The following WDR17 variants were observed in gnomAD, a reference collection of about 807,000 sequenced individuals.
WDR17 encodes the protein WD repeat-containing protein 17.
In WDR17, 143 loss-of-function variants were observed where a neutral mutation model predicts 161.7. That is an observed-to-expected ratio of 0.88 (90% CI 0.77 to 1.02). The LOEUF (loss-of-function observed/expected upper bound fraction) is 1.02, where lower values mean the gene tolerates loss of function less well. Ranked by LOEUF, WDR17 falls within the 50% of genes least tolerant of loss-of-function variation. WDR17 has a pLI of 0.00. For missense variants in WDR17, 1,469 were observed against 1,520.9 expected, an observed-to-expected ratio of 0.97 and a Z score of 0.57; for synonymous variants, 517 against 515.6, an observed-to-expected ratio of 1.00 and a Z score of -0.04.
chr4:176,124,687 C>A (rs1414988445), intron 4 of WDR17, among the ~76,000 whole-genome samples: 1 of 152,176 alleles, frequency 6.6e-6, no homozygotes, highest in Non-Finnish European at 1.5e-5. Flanking sequence ...AGGATCGGAA[C>A]CAGGCAGTCA....
intron 11 of WDR17, among the ~76,000 whole-genome samples, chr4:176,144,577 TTAATA>T (rs1423795507): frequency 6.6e-6 from 1 of 152,198 alleles, no homozygotes. Context: ...AAGCTAGATA[TTAATA>T]TAATATGTTT....
intron 3 of WDR17, among the ~76,000 whole-genome samples, chr4:176,116,822 C>G (rs1220337604): frequency 6.6e-6 from 1 of 151,682 alleles, no homozygotes; most frequent in Non-Finnish European, 1.5e-5. Context: ...AAAATAATAT[C>G]TTTTGTAACT....
At chr4:176,081,086 T>C (rs1734690837) in intron 1 of WDR17, among the ~76,000 whole-genome samples, 1 of 152,134 alleles carries the variant, frequency 6.6e-6, no homozygotes, top group African/African-American at 2.4e-5. Context: ...TGCTGCCAGT[T>C]AATTAGTTCA....
At chr4:176,170,408 T>G (rs1750554857) in intron 23 of WDR17, among the ~76,000 whole-genome samples, 1 of 151,498 alleles carries the variant, frequency 6.6e-6, no homozygotes, top group Admixed American at 6.6e-5. Flanking sequence ...CTCTGCCTGC[T>G]GGGTTCAAGC....
intron 17 of WDR17, among the ~76,000 whole-genome samples, chr4:176,155,467 T>G (rs1383301374): frequency 6.6e-6 from 1 of 150,894 alleles, no homozygotes; most frequent in Non-Finnish European, 1.5e-5. Context: ...AATCCTTCCC[T>G]AAGGAACCGA....
chr4:176,108,360 T>A (rs2126683199), intron 1 of WDR17, among the ~76,000 whole-genome samples: 1 of 152,066 alleles, frequency 6.6e-6, no homozygotes, highest in South Asian at 2.1e-4. Context: ...TATAAGACAT[T>A]GTGGGAAGGC....
intron 1 of WDR17, among the ~76,000 whole-genome samples, chr4:176,092,367 GA>G (rs910223172): frequency 7.6e-6 from 1 of 131,980 alleles, no homozygotes; most frequent in African/African-American, 2.5e-5. Flanking sequence ...AATTGATGCT[GA>G]AAAAGCATTT....
At chr4:176,117,544 T>A (rs1740841419) in intron 3 of WDR17, among the ~76,000 whole-genome samples, 1 of 152,094 alleles carries the variant, frequency 6.6e-6, no homozygotes, top group Admixed American at 6.5e-5. Flanking sequence ...AATTTTATTA[T>A]CACCTAGTGT....
intron 22 of WDR17, among the ~76,000 whole-genome samples, chr4:176,167,745 T>A (rs1334689001): frequency 6.6e-6 from 1 of 151,598 alleles, no homozygotes; most frequent in Non-Finnish European, 1.5e-5. Context: ...CCTCACCTAG[T>A]GATTTGAAGA....
chr4:176,076,093 T>A (rs1321761821), intron 1 of WDR17, among the ~76,000 whole-genome samples: 1 of 151,852 alleles, frequency 6.6e-6, no homozygotes, highest in African/African-American at 2.4e-5. Flanking sequence ...TTTTTCCACT[T>A]GTACATAATA....
intron 24 of WDR17, among the ~76,000 whole-genome samples, chr4:176,172,865 C>T (rs540996624): frequency 1.6e-4 from 25 of 152,126 alleles, no homozygotes; most frequent in African/African-American, 6.0e-4. Flanking sequence ...CGTGTGGACT[C>T]AGAACAAGAA....
chr4:176,093,485 C>A (rs1477844795), intron 1 of WDR17, among the ~76,000 whole-genome samples: 1 of 151,984 alleles, frequency 6.6e-6, no homozygotes, highest in Admixed American at 6.5e-5. Flanking sequence ...ACTTCATTTT[C>A]TATTTTATTT....
intron 7 of WDR17, among the ~76,000 whole-genome samples, chr4:176,132,294 A>T (rs1024973305): frequency 6.6e-6 from 1 of 152,104 alleles, no homozygotes; most frequent in African/African-American, 2.4e-5. Context: ...TATCTGCCAC[A>T]TAGCAAGACT....
chr4:176,175,714 C>G (rs1053828585), intron 26 of WDR17, among the ~76,000 whole-genome samples: 10 of 151,612 alleles, frequency 6.6e-5, no homozygotes, highest in Admixed American at 6.6e-4. Flanking sequence ...CCCGCCACCA[C>G]GCCCGGCTAA....
chr4:176,119,977 A>G lies in WDR17; in HGVS notation c.418A>G (p.Ile140Val). The G allele has an allele frequency of 6.2e-7, 1 of 1,614,066 alleles. No individual in the cohort carries two copies. Among genetic ancestry groups the G allele is most frequent in the African/African-American group, 1.3e-5 (1 of 74,998 alleles). Residue 140 changes from isoleucine (I) to valine (V), a missense_variant, in exon 4 of 29, where the codon ATT becomes GTT. Physicochemically the swap from Ile to Val is conservative, Grantham distance 29. Transcript: ENST00000508596. ...CATCTCAGGACCAGATAGTGGAGTGATTGTACACAAAGATGCTCATAGCTT... is the reference window on the plus strand; with the variant it reads ...CATCTCAGGACCAGATAGTGGAGTGGTTGTACACAAAGATGCTCATAGCTT... ...WTISGPDSGV[I>V]VHKDAHSFLS...
intron 6 of WDR17, among the ~76,000 whole-genome samples, chr4:176,131,338 A>T (rs945613576): frequency 6.6e-6 from 1 of 152,120 alleles, no homozygotes; most frequent in African/African-American, 2.4e-5. Context: ...ACTAATTTTC[A>T]TCTATTTGCT....
intron 3 of WDR17, among the ~76,000 whole-genome samples, chr4:176,118,378 T>G (rs1740979875): frequency 6.6e-6 from 1 of 152,204 alleles, no homozygotes; most frequent in African/African-American, 2.4e-5. Flanking sequence ...CATCTCTTTT[T>G]TGGGTAAATT....
chr4:176,159,955 A>C (rs751342532), intron 18 of WDR17, 39 bp from the exon 19 acceptor site: 1 of 1,484,590 alleles, frequency 6.7e-7, no homozygotes, highest in Non-Finnish European at 9.1e-7. Flanking sequence ...AAACCTTCAA[A>C]ATAATATATT....
At chr4:176,077,813 T>C (rs948259654) in intron 1 of WDR17, among the ~76,000 whole-genome samples, 1 of 152,070 alleles carries the variant, frequency 6.6e-6, no homozygotes, top group African/African-American at 2.4e-5. Context: ...CCTCAAGCAA[T>C]TCTACATATC....
Sources: gnomAD v4.1 joint callset for allele counts (sites outside exome capture counted in the v4.1 genomes callset) on GRCh38, gnomAD v4.1.1 for gene constraint, MANE v1.5 for transcripts, NCBI Gene and HGNC (gene_info 2026-07-23, HGNC 2026-07-21) for gene names.